Variants in RTN4 observed in about 807,000 individuals in gnomAD.
RTN4 encodes reticulon-4.
A neutral mutation model predicts 90.4 loss-of-function variants in RTN4; 32 were observed. The observed-to-expected ratio is 0.35, with a 90% CI of 0.27 to 0.48. The LOEUF (loss-of-function observed/expected upper bound fraction) is 0.48. RTN4 is among the 20% of genes least tolerant of loss of function. The pLI is 0.99. For synonymous variants in RTN4, 629 were observed against 552.5 expected, an observed-to-expected ratio of 1.14 and a Z score of -1.94; for missense variants, 1,706 against 1,430.2, an observed-to-expected ratio of 1.19 and a Z score of -3.11.
intron 1 of RTN4, among the ~76,000 whole-genome samples, chr2:55,048,770 CTG>C (rs1306966661): frequency 7.9e-5 from 12 of 152,182 alleles, no homozygotes; most frequent in African/African-American, 2.9e-4. Context: ...AAACATTTCT[CTG>C]TGTCTCATGG....
intron 1 of RTN4, among the ~76,000 whole-genome samples, chr2:55,031,354 C>A (rs1421671526): frequency 6.6e-6 from 1 of 152,208 alleles, no homozygotes; most frequent in Non-Finnish European, 1.5e-5. Flanking sequence ...GAATACCGCA[C>A]TCTTGCTAAG....
chr2:55,043,124 A>C (rs1683185190), intron 1 of RTN4, among the ~76,000 whole-genome samples: 1 of 152,222 alleles, frequency 6.6e-6, no homozygotes, highest in Non-Finnish European at 1.5e-5. Context: ...ATCATTTTGC[A>C]TACCTATGTC....
chr2:55,137,095 G>A, the RTN4 span, among the ~76,000 whole-genome samples: 2 of 152,226 alleles, frequency 1.3e-5, no homozygotes, highest in Non-Finnish European at 2.9e-5. Context: ...GAGGAAGCAC[G>A]CACTTCCGTC....
chr2:55,110,944 G>A (rs746516225), intron 1 of RTN4, among the ~76,000 whole-genome samples: 11 of 152,148 alleles, frequency 7.2e-5, no homozygotes, highest in Non-Finnish European at 1.6e-4. Context: ...GGGAAGCTGA[G>A]GCAGGAGAAT....
intron 1 of RTN4, among the ~76,000 whole-genome samples, chr2:55,108,964 T>C (rs1218009861): frequency 6.6e-6 from 1 of 152,020 alleles, no homozygotes; most frequent in African/African-American, 2.4e-5. Flanking sequence ...GCCAGCAGCT[T>C]TTTCAGGTCT....
chr2:55,097,322 C>T (rs1336767399), intron 1 of RTN4, among the ~76,000 whole-genome samples: 2 of 142,674 alleles, frequency 1.4e-5, no homozygotes, highest in African/African-American at 5.1e-5. Context: ...AAAAAAAATT[C>T]CTTGGCCTCA....
chr2:55,127,970 T>C, the RTN4 span, among the ~76,000 whole-genome samples: 1 of 152,046 alleles, frequency 6.6e-6, no homozygotes, highest in Non-Finnish European at 1.5e-5. Flanking sequence ...TGGAGTGCAG[T>C]GGAGCCATCA....
intron 3 of RTN4, among the ~76,000 whole-genome samples, chr2:55,023,529 C>T (rs971920836): frequency 4.6e-5 from 7 of 152,008 alleles, no homozygotes; most frequent in African/African-American, 1.7e-4. Flanking sequence ...AAAGCTCTAT[C>T]GTTCCTTCTC....
intron 1 of RTN4, among the ~76,000 whole-genome samples, chr2:55,039,532 C>A (rs1193904743): frequency 1.3e-5 from 2 of 152,218 alleles, no homozygotes; most frequent in East Asian, 3.8e-4. Flanking sequence ...CTCACACCAG[C>A]ACTTTGGGGG....
intron 1 of RTN4, among the ~76,000 whole-genome samples, chr2:55,107,695 C>T (rs566194781): frequency 5.3e-5 from 8 of 152,178 alleles, no homozygotes; most frequent in African/African-American, 1.4e-4. Flanking sequence ...AAAGGGTGCC[C>T]TGGGCATCCA....
At chr2:55,082,410 CA>C (rs1668738481) in intron 1 of RTN4, among the ~76,000 whole-genome samples, 2 of 152,330 alleles carry the variant, frequency 1.3e-5, no homozygotes, top group Admixed American at 1.3e-4. Flanking sequence ...GCAGCCACCA[CA>C]AACCAAACTA....
At chr2:54,993,170 A>T (rs192045504) in intron 3 of RTN4, among the ~76,000 whole-genome samples, 76 of 151,928 alleles carry the variant, frequency 5.0e-4, no homozygotes, top group African/African-American at 1.6e-3. Flanking sequence ...GCATAACGGG[A>T]TTATCAATGA....
chr2:55,097,336 C>T (rs1667761263), intron 1 of RTN4, among the ~76,000 whole-genome samples: 1 of 151,570 alleles, frequency 6.6e-6, no homozygotes, highest in Non-Finnish European at 1.5e-5. Context: ...GGCCTCAGTC[C>T]AGACTCAGAA....
At position 55,026,861 on chromosome 2, in the gene RTN4, TCGATTTTACCTC is replaced by T; in HGVS notation, c.1226_1237del (p.Gly409_Ile412del). 6.2e-7 allele frequency: 1 copy of T among 1,613,936 alleles called. No homozygotes were observed. The highest frequency in any genetic ancestry group is 1.1e-5 in the South Asian group (1 of 91,078). On this transcript the variant is annotated inframe_deletion, in exon 3 of 9. Transcript: ENST00000337526. ...ATCCACTTTACTTTCCAAGTTGCTC[TCGATTTTACCTC>T]CAGCAGCCAACATATCACTATCTTC...
chr2:55,023,797 C>A (rs961467122), intron 3 of RTN4, among the ~76,000 whole-genome samples: 5 of 152,084 alleles, frequency 3.3e-5, no homozygotes, highest in African/African-American at 1.2e-4. Context: ...CCATGCACAC[C>A]ACACCATTTG....
rs75308563 is a variant in RTN4, at chr2:55,049,070, G to A, written c.556+675C>T. 4,244 of 983,328 alleles carry A rather than the reference G, an allele frequency of 4.3e-3. 13 individuals carry two copies. Among genetic ancestry groups the A allele is most frequent in the Admixed American group, 5.2e-3 (85 of 16,258 alleles). 60.9% of individuals were successfully genotyped at this position (983,328 alleles called of 1,614,324 possible). On this transcript the variant is annotated intron_variant, in intron 1 of 8. Transcript: ENST00000337526. ...CACCCCGGGGAGCTGGGCGGTGGCAGGACTTTACCAGAACTCTCTCCTTCC... is the reference window on the plus strand; with the variant it reads ...CACCCCGGGGAGCTGGGCGGTGGCAAGACTTTACCAGAACTCTCTCCTTCC...
At chr2:54,997,309 C>G (rs1434370566) in intron 3 of RTN4, among the ~76,000 whole-genome samples, 1 of 152,108 alleles carries the variant, frequency 6.6e-6, no homozygotes, top group Non-Finnish European at 1.5e-5. Flanking sequence ...CAATGAGATA[C>G]CACTTCATAC....
At position 54,973,036 on chromosome 2, in the gene RTN4, T is replaced by TAACA. The variant is rs1250367744; in HGVS notation, c.*116_*119dup. ...CAGTGCATGGCTAAAAATAAAGATC[T>TAACA]AACAACGATCTGTGAAACTGCACTG... On this transcript the variant is annotated 3_prime_UTR_variant, in exon 9 of 9. Coordinates refer to ENST00000337526, the MANE Select transcript of RTN4 (RefSeq NM_020532.5). The TAACA allele has an allele frequency of 1.7e-5, 13 of 762,210 alleles. No homozygotes were observed. Among genetic ancestry groups the TAACA allele is most frequent in the South Asian group, 5.6e-5 (3 of 53,434 alleles). The allele number at this position is 762,210 out of a possible 1,614,324, so 47.2% of individuals were successfully genotyped here.
At chr2:55,066,921 T>G (rs1049609111) in intron 2 of RTN4, among the ~76,000 whole-genome samples, 1 of 152,140 alleles carries the variant, frequency 6.6e-6, no homozygotes, top group Non-Finnish European at 1.5e-5. Context: ...ATTCAGAATT[T>G]GAAATAATTT....
Sources: allele counts gnomAD v4.1 joint callset (sites outside exome capture counted in the v4.1 genomes callset), GRCh38; gene constraint gnomAD v4.1.1; transcripts MANE v1.5; gene names NCBI Gene and HGNC (gene_info 2026-07-23, HGNC 2026-07-21).